The following COL11A1 variants were observed in gnomAD, a reference collection of about 807,000 sequenced individuals.
COL11A1 encodes the protein collagen alpha-1(XI) chain.
A neutral mutation model predicts 265.2 loss-of-function variants in COL11A1; 74 were observed. That is an observed-to-expected ratio of 0.28 (90% CI 0.23 to 0.34). The LOEUF (loss-of-function observed/expected upper bound fraction) is 0.34, where lower values mean the gene tolerates loss of function less well. Ranked by LOEUF, COL11A1 falls within the 10% of genes least tolerant of loss-of-function variation. The pLI is 1.00. For missense variants in COL11A1, 2,165 were observed against 2,263.6 expected (o/e 0.96, Z 0.88); for synonymous variants, 816 against 727.6 (o/e 1.12, Z -1.96).
At chr1:103,051,570 G>A (rs369839435) in intron 4 of COL11A1, among the ~76,000 whole-genome samples, 7 of 152,158 alleles carry the variant, frequency 4.6e-5, no homozygotes, top group South Asian at 2.1e-4. Context: ...GTGATGCCTC[G>A]CCTTGCTTCG....
intron 35 of COL11A1, among the ~76,000 whole-genome samples, chr1:102,976,505 GC>G (rs1662508350): frequency 6.6e-6 from 1 of 151,768 alleles, no homozygotes; most frequent in African/African-American, 2.4e-5. Flanking sequence ...CACCATGTTG[GC>G]CAGGCTGGTC....
intron 21 of COL11A1, 53 bp downstream of exon 21, chr1:103,003,162 G>A: frequency 1.3e-6 from 2 of 1,591,834 alleles, no homozygotes; most frequent in South Asian, 1.1e-5. Context: ...GCCTCTAAAA[G>A]GTTGGCAACA....
intron 11 of COL11A1, 40 bp from the exon 12 acceptor site, chr1:103,015,782 A>C (rs1403096769): frequency 7.5e-7 from 1 of 1,336,444 alleles, no homozygotes; most frequent in African/African-American, 1.5e-5. Context: ...AATAAATATC[A>C]AAATAATATT....
intron 28 of COL11A1, among the ~76,000 whole-genome samples, chr1:102,991,116 T>C (rs957590348): frequency 6.6e-6 from 1 of 151,942 alleles, no homozygotes; most frequent in Non-Finnish European, 1.5e-5. Flanking sequence ...AGAAAGGGTG[T>C]CTGGAGAAGA....
intron 37 of COL11A1, among the ~76,000 whole-genome samples, chr1:102,968,545 A>C (rs966814024): frequency 2.6e-5 from 4 of 152,190 alleles, no homozygotes; most frequent in Non-Finnish European, 4.4e-5. Flanking sequence ...ATAATTCAAA[A>C]ATTTATCCAT....
chr1:103,066,253 T>A (rs2102231831), intron 4 of COL11A1, among the ~76,000 whole-genome samples: 1 of 152,114 alleles, frequency 6.6e-6, no homozygotes, highest in African/African-American at 2.4e-5. Context: ...ATTATATTTT[T>A]ATCTTAAAAG....
chr1:103,066,090 T>C (rs1420845360), intron 4 of COL11A1, among the ~76,000 whole-genome samples: 15 of 152,054 alleles, frequency 9.9e-5, no homozygotes, highest in Admixed American at 9.2e-4. Context: ...TTCTCACATA[T>C]AAGAAAACTA....
intron 64 of COL11A1, 56 bp downstream of exon 64, chr1:102,883,143 T>G: frequency 8.7e-7 from 1 of 1,148,056 alleles, no homozygotes; most frequent in Non-Finnish European, 1.3e-6. Context: ...TAGTTCAATA[T>G]TGCAAAACAT....
chr1:103,040,682 A>G (rs985276659), intron 4 of COL11A1, among the ~76,000 whole-genome samples: 3 of 151,914 alleles, frequency 2.0e-5, no homozygotes, highest in Non-Finnish European at 3.0e-5. Flanking sequence ...TTAACATTTA[A>G]AATACTAAAG....
At chr1:102,941,257 T>C (rs966020168) in intron 42 of COL11A1, among the ~76,000 whole-genome samples, 7 of 152,162 alleles carry the variant, frequency 4.6e-5, no homozygotes, top group African/African-American at 1.7e-4. Flanking sequence ...TGACTTTATC[T>C]CCATCACTGA....
intron 51 of COL11A1, 142 bp downstream of exon 51, chr1:102,914,562 G>A (rs974621170): frequency 3.2e-6 from 3 of 944,078 alleles, no homozygotes; most frequent in Admixed American, 4.7e-5. Flanking sequence ...ATTCAATTGA[G>A]AATGCTTACG....
rs536797175 is a variant in COL11A1, at chr1:103,020,905, T to C, written c.1308+802A>G. ...GTCAAAGGTCAGATAGTTGTAGATA[T>C]GCAGCGTTATTTCTGAGGGCTCTGT... On this transcript the variant is annotated intron_variant, in intron 9 of 66. Transcript: ENST00000370096. Among the ~76,000 whole-genome samples the C allele has an allele frequency of 3.6e-5, 5 of 139,076 alleles. No homozygotes were observed. In the East Asian group the frequency reaches 1.1e-3, roughly 31 times the overall value. 91.2% of individuals were successfully genotyped at this position (139,076 alleles called of 152,430 possible).
chr1:103,002,281 TA>T (rs1433855647), intron 23 of COL11A1, 146 bp downstream of exon 23: 1 of 846,978 alleles, frequency 1.2e-6, no homozygotes, highest in South Asian at 1.6e-5. Context: ...CAAATTTTTT[TA>T]AAAAAAGAAA....
rs569761154 is a variant in COL11A1 at position 102,944,050 on chromosome 1, A to G, written c.3276+2799T>C. 2.0e-5 allele frequency among the ~76,000 whole-genome samples: 3 copies of G among 152,222 alleles called. No individual in the cohort carries two copies. In the East Asian group the frequency reaches 5.8e-4, roughly 29 times the overall value. On this transcript the variant is annotated intron_variant, in intron 42 of 66. Transcript: ENST00000370096. ...AACTGATTAATAATATAGGGATGCT[A>G]ATTAGGACATTTCTCCATTCTAGGA... is the stretch of plus-strand genomic sequence containing the variant.
intron 45 of COL11A1, 75 bp from the exon 46 acceptor site, chr1:102,934,631 T>G: frequency 2.9e-5 from 33 of 1,123,934 alleles, no homozygotes; most frequent in Non-Finnish European, 3.9e-5. Flanking sequence ...AATGTGGCCA[T>G]TTCTAATTTA....
At position 103,078,691 on chromosome 1, in the gene COL11A1, G is replaced by C. The variant is rs1247765315; in HGVS notation, c.455C>G (p.Pro152Arg). The change falls in exon 3 of 67, where the codon CCC becomes CGC. Residue 152 changes from proline to arginine, a missense_variant. Pro to Arg is a moderately radical substitution (Grantham distance 103). Coordinates refer to ENST00000370096, the MANE Select transcript of COL11A1 (RefSeq NM_001854.4). ...HTGKPAPEDY[P>R]LFRTVNIADG... ...AGCGATGTTAACAGTTCTGAAGAGG[G>C]GATAGTCTTCTGGGGCAGGTTTTCC... The C allele has an allele frequency of 6.2e-7, 1 of 1,613,328 alleles. No homozygotes were observed. Among genetic ancestry groups the C allele is most frequent in the Non-Finnish European group, 8.5e-7 (1 of 1,179,576 alleles).
intron 5 of COL11A1, chr1:103,030,883 TATACAAGTGAA>T (rs1667932499): frequency 2.0e-6 from 1 of 500,234 alleles, no homozygotes; most frequent in South Asian, 2.0e-5. Flanking sequence ...ATATACACAG[TATACAAGTGAA>T]GCACCATTAT....
Position 102,961,900 on chromosome 1 carries a change from C to G in COL11A1, c.3134G>C (p.Gly1045Ala), listed in dbSNP as rs149000575. Reference sequence around the variant, plus strand: ...TGGTGGGCCCTGGGGACCTTCCCCTCCTTTCAGTCCAGGTGCACCCTGGGA... The same window carrying G: ...TGGTGGGCCCTGGGGACCTTCCCCTGCTTTCAGTCCAGGTGCACCCTGGGA... ...PGAQGAPGLKGGEGPQGPPGP... is the reference protein window; with the variant it reads ...PGAQGAPGLKAGEGPQGPPGP... The change falls in exon 41 of 67, where the codon GGA (glycine) becomes GCA (alanine). Residue 1045 changes from glycine (G) to alanine (A), a missense_variant. Transcript: ENST00000370096. 2 of 1,612,906 alleles carry G rather than the reference C, an allele frequency of 1.2e-6. No homozygotes were observed. Among genetic ancestry groups the G allele is most frequent in the African/African-American group, 2.7e-5 (2 of 74,830 alleles).
At chr1:103,023,417 G>T (rs1377164301) in intron 7 of COL11A1, among the ~76,000 whole-genome samples, 3 of 150,352 alleles carry the variant, frequency 2.0e-5, no homozygotes, top group Non-Finnish European at 4.4e-5. Flanking sequence ...TTGTGCAAGG[G>T]CGCAATCTTG....
Sources: allele counts gnomAD v4.1 joint callset (sites outside exome capture counted in the v4.1 genomes callset), GRCh38; gene constraint gnomAD v4.1.1; transcripts MANE v1.5; gene names NCBI Gene and HGNC (gene_info 2026-07-23, HGNC 2026-07-21).